The following MSI2 variants were observed in gnomAD, a reference collection of about 807,000 sequenced individuals.
MSI2 encodes RNA-binding protein Musashi homolog 2.
In MSI2, 17 loss-of-function variants were observed where a neutral mutation model predicts 45.6. The observed-to-expected ratio is 0.37, with a 90% CI of 0.26 to 0.56. The LOEUF (loss-of-function observed/expected upper bound fraction) is 0.56. Among genes scored for constraint, MSI2 ranks in the 20% least tolerant of loss-of-function variants. The pLI is 0.77. For missense variants in MSI2, 293 were observed against 444.2 expected (o/e 0.66, Z 3.06); for synonymous variants, 156 against 158.2 (o/e 0.99, Z 0.11).
chr17:57,285,594 A>G (rs1780442753), intron 5 of MSI2, among the ~76,000 whole-genome samples: 1 of 152,208 alleles, frequency 6.6e-6, no homozygotes, highest in Admixed American at 6.5e-5. Flanking sequence ...GCAGCCTTCA[A>G]ATAAAGTTTG....
chr17:57,550,050 TG>T (rs1894891626), intron 7 of MSI2, among the ~76,000 whole-genome samples: 1 of 152,228 alleles, frequency 6.6e-6, no homozygotes, highest in African/African-American at 2.4e-5. Context: ...CCACCCTGCC[TG>T]TCTCCTCTCC....
At chr17:57,679,466 A>T (rs746924791) in intron 13 of MSI2, 83 bp from the exon 14 acceptor site, 62 of 693,812 alleles carry the variant, frequency 8.9e-5, no homozygotes, top group Admixed American at 1.2e-4. Flanking sequence ...GAAATCGCAT[A>T]CTTGTCTGAC....
chr17:57,603,044 C>T (rs111585842), intron 8 of MSI2, among the ~76,000 whole-genome samples: 5 of 152,316 alleles, frequency 3.3e-5, no homozygotes, highest in African/African-American at 1.2e-4. Context: ...GAAGGGAGCA[C>T]GGAGCCAGGC....
intron 6 of MSI2, among the ~76,000 whole-genome samples, chr17:57,518,602 C>T (rs1351898094): frequency 5.9e-5 from 9 of 152,200 alleles, no homozygotes; most frequent in Non-Finnish European, 1.5e-5. Flanking sequence ...GAGAGTGTTC[C>T]GGCACATCAG....
rs1336404669 is a variant in MSI2, at chr17:57,682,685, G to A, written c.*3168G>A. ...CTTTTAACACTGATGTTTCAGCCTC[G>A]TCTTTGTTTCAGTTAAGCTCAATGG... On this transcript the variant is annotated 3_prime_UTR_variant, in exon 14 of 14. Transcript: ENST00000284073. 6 of 215,546 alleles carry A rather than the reference G, an allele frequency of 2.8e-5. No individual in the cohort carries two copies. Among genetic ancestry groups the A allele is most frequent in the Middle Eastern group, 1.4e-3 (1 of 692 alleles). 13.4% of individuals were successfully genotyped at this position (215,546 alleles called of 1,614,324 possible).
At chr17:57,650,308 C>A (rs1041255966) in intron 10 of MSI2, among the ~76,000 whole-genome samples, 1 of 152,214 alleles carries the variant, frequency 6.6e-6, no homozygotes, top group African/African-American at 2.4e-5. Flanking sequence ...CACCTGCACC[C>A]TCTCCCTCCA....
chr17:57,408,221 G>A (rs529809262), intron 6 of MSI2, among the ~76,000 whole-genome samples: 2 of 152,242 alleles, frequency 1.3e-5, no homozygotes, highest in Non-Finnish European at 2.9e-5. Flanking sequence ...CTGAAATACT[G>A]GGTTTCTAGG....
intron 7 of MSI2, among the ~76,000 whole-genome samples, chr17:57,545,603 GA>G (rs1321410701): frequency 6.6e-6 from 1 of 152,304 alleles, no homozygotes; most frequent in East Asian, 1.9e-4. Flanking sequence ...CCAGTAAATA[GA>G]GCTGTCTGAA....
intron 7 of MSI2, chr17:57,531,944 G>A (rs2144076279): frequency 6.6e-6 from 1 of 152,538 alleles, no homozygotes; most frequent in East Asian, 1.9e-4. Flanking sequence ...GAGATGGGGT[G>A]GCGGTTCGTC....
At chr17:57,614,809 C>T (rs544999323) in intron 8 of MSI2, among the ~76,000 whole-genome samples, 10 of 152,206 alleles carry the variant, frequency 6.6e-5, no homozygotes, top group Admixed American at 5.9e-4. Flanking sequence ...TTACTTATTC[C>T]CTGAGGTTTA....
chr17:57,679,688 T>C lies in MSI2; in HGVS notation c.*171T>C. ...GGCTCACTTCGGATCGAGGGTTGAC[T>C]ACATCTCATCATCTCACGAATCTGC... On this transcript the variant is annotated 3_prime_UTR_variant, in exon 14 of 14. Coordinates refer to ENST00000284073, the MANE Select transcript of MSI2 (RefSeq NM_138962.4). 2 of 801,582 alleles carry C rather than the reference T, an allele frequency of 2.5e-6. No individual in the cohort carries two copies. The allele number at this position is 801,582 out of a possible 1,614,324, so 49.7% of individuals were successfully genotyped here. A position where few individuals can be genotyped will look rare whatever the true frequency, so the allele number is the denominator to read the frequency against.
At chr17:57,679,133 TTTTG>T (rs530511797) in intron 13 of MSI2, among the ~76,000 whole-genome samples, 85 of 152,352 alleles carry the variant, frequency 5.6e-4, no homozygotes, top group East Asian at 2.1e-3. Context: ...GTGGGGTTTT[TTTTG>T]TTTGTTTGTT....
chr17:57,692,819 TTAA>T, the MSI2 span, among the ~76,000 whole-genome samples: 1 of 152,106 alleles, frequency 6.6e-6, no homozygotes. Flanking sequence ...TGTTTTTTTC[TTAA>T]TTTTACCTCT....
chr17:57,607,640 G>A (rs1482434885), intron 8 of MSI2, among the ~76,000 whole-genome samples: 1 of 152,232 alleles, frequency 6.6e-6, no homozygotes, highest in Non-Finnish European at 1.5e-5. Flanking sequence ...AAGCCTGTCT[G>A]TGTTAGGCCG....
chr17:57,323,194 C>T (rs1041120921), intron 5 of MSI2, among the ~76,000 whole-genome samples: 1 of 152,180 alleles, frequency 6.6e-6, no homozygotes, highest in Non-Finnish European at 1.5e-5. Context: ...CAAGGCATTA[C>T]CCCCTTGAAT....
rs117626042 is a variant in MSI2 at position 57,486,290 on chromosome 17, C to T, written c.406-43386C>T. On this transcript the variant is annotated intron_variant, in intron 6 of 13. Coordinates refer to ENST00000284073, the MANE Select transcript of MSI2 (RefSeq NM_138962.4). ...CAGAAATGAATTTACAAGGGGCTCT[C>T]TCCTAGCCTTGTGGAATTAGAGCAG... Among the ~76,000 whole-genome samples, 718 of 152,334 alleles carry T rather than the reference C, an allele frequency of 4.7e-3. 3 individuals carry two copies. The highest frequency in any genetic ancestry group is 8.0e-3 in the Non-Finnish European group (547 of 68,028).
At chr17:57,291,024 G>A (rs1910371914) in intron 5 of MSI2, among the ~76,000 whole-genome samples, 1 of 152,176 alleles carries the variant, frequency 6.6e-6, no homozygotes, top group Non-Finnish European at 1.5e-5. Flanking sequence ...GTTAGGACTG[G>A]GGGCAGCAGC....
intron 6 of MSI2, among the ~76,000 whole-genome samples, chr17:57,463,347 T>C (rs1337550518): frequency 6.6e-6 from 1 of 152,146 alleles, no homozygotes; most frequent in Non-Finnish European, 1.5e-5. Flanking sequence ...AATTTGATCT[T>C]GGGGAATTTC....
chr17:57,449,569 G>A (rs2084958221), intron 6 of MSI2: 1 of 152,098 alleles, frequency 6.6e-6, no homozygotes, highest in Non-Finnish European at 1.5e-5. Context: ...CATAGGTTAT[G>A]TGTCCATTAT....
Sources: gnomAD v4.1 joint callset for allele counts (sites outside exome capture counted in the v4.1 genomes callset) on GRCh38, gnomAD v4.1.1 for gene constraint, MANE v1.5 for transcripts, NCBI Gene and HGNC (gene_info 2026-07-23, HGNC 2026-07-21) for gene names.